The following KIAA2013 variants were observed in gnomAD, a reference collection of about 807,000 sequenced individuals.
The protein encoded by KIAA2013 is KIAA2013.
In KIAA2013, 20 loss-of-function variants were observed where a neutral mutation model predicts 39.9. The observed-to-expected ratio is 0.50, with a 90% CI of 0.35 to 0.73. KIAA2013 has a LOEUF of 0.73. Among genes scored for constraint, KIAA2013 ranks in the 30% least tolerant of loss-of-function variants. The pLI is 0.01. For missense variants in KIAA2013, 587 were observed against 856.1 expected, an observed-to-expected ratio of 0.69 and a Z score of 3.92; for synonymous variants, 336 against 416.6, an observed-to-expected ratio of 0.81 and a Z score of 2.35.
intron 2 of KIAA2013, 74 bp from the exon 3 acceptor site, chr1:11,920,406 G>C (rs189475214): frequency 2.7e-6 from 4 of 1,497,274 alleles, no homozygotes; most frequent in East Asian, 2.3e-5. Flanking sequence ...AATAGGCTAC[G>C]GAGACAACCC....
intron 2 of KIAA2013, among the ~76,000 whole-genome samples, chr1:11,921,429 A>G (rs555636076): frequency 6.6e-6 from 1 of 152,324 alleles, no homozygotes; most frequent in South Asian, 2.1e-4. Context: ...TGACCTCTGC[A>G]TGCCATGAAC....
chr1:11,920,443 C>G (rs1645467659), intron 2 of KIAA2013, 111 bp from the exon 3 acceptor site: 3 of 1,126,224 alleles, frequency 2.7e-6, no homozygotes, highest in Non-Finnish European at 4.1e-6. Context: ...TGGCTCTGAC[C>G]CAGCCTTGCA....
intron 1 of KIAA2013, among the ~76,000 whole-genome samples, chr1:11,924,166 A>G (rs1277323499): frequency 6.6e-6 from 1 of 152,076 alleles, no homozygotes; most frequent in Non-Finnish European, 1.5e-5. Context: ...TGTTTCTGTG[A>G]AGATGACCAT....
At position 11,926,111 on chromosome 1, in the gene KIAA2013, C is replaced by A; in HGVS notation, c.127G>T (p.Ala43Ser). 1 of 1,406,824 alleles carries A rather than the reference C, an allele frequency of 7.1e-7. No homozygotes were observed. The allele number at this position is 1,406,824 out of a possible 1,614,324, so 87.1% of individuals were successfully genotyped here. A position where few individuals can be genotyped will look rare whatever the true frequency, so the allele number is the denominator to read the frequency against. ...LWFGGSGARR[A>S]AGGLHLLPWS... ...GGCAGCAGGTGCAGGCCGCCCGCCG[C>A]CCGCCGCGCGCCGGACCCCCCAAAC... Residue 43 changes from alanine (A) to serine (S), a missense_variant, in exon 1 of 3, where the codon GCG becomes TCG. Ala to Ser is a moderately conservative substitution (Grantham distance 99). Transcript: ENST00000376572.
chr1:11,925,886 C>A lies in KIAA2013; in HGVS notation c.352G>T (p.Val118Leu). 1 of 1,527,238 alleles carries A rather than the reference C, an allele frequency of 6.5e-7. No individual in the cohort carries two copies. The highest frequency in any genetic ancestry group is 1.4e-5 in the African/African-American group (1 of 71,412). 94.6% of individuals were successfully genotyped at this position (1,527,238 alleles called of 1,614,324 possible). A position where few individuals can be genotyped will look rare whatever the true frequency, so the allele number is the denominator to read the frequency against. ...WVTPGEREPA[V>L]APDFVPFVQL... ...ACGAAGGGCACAAAGTCCGGCGCCA[C>A]GGCGGGCTCCCGCTCCCCGGGAGTC... is the stretch of plus-strand genomic sequence containing the variant. Residue 118 changes from valine (V) to leucine (L), a missense_variant, in exon 1 of 3, where the codon GTG becomes TTG. Coordinates refer to ENST00000376572, the MANE Select transcript of KIAA2013 (RefSeq NM_138346.3). This position sits in a 1 kb window ranked among gnomAD's most constrained non-coding sequence, Gnocchi z 5.2.
chr1:11,922,531 T>A, intron 2 of KIAA2013, 105 bp downstream of exon 2: 1 of 1,555,120 alleles, frequency 6.4e-7, no homozygotes, highest in Non-Finnish European at 8.7e-7. Flanking sequence ...AGGACACCCA[T>A]TCCTGCCCAG....
chr1:11,922,651 G>C lies in KIAA2013; in HGVS notation c.1872C>G (p.Pro624=), dbSNP rs139850966. ...GGCTTCCTACCTTACTCCTGAAGAGGGGCTTGGCTCCAGGCCCACAGTACT... is the reference window on the plus strand; with the variant it reads ...GGCTTCCTACCTTACTCCTGAAGAGCGGCTTGGCTCCAGGCCCACAGTACT... ...YNEYCGPGAK[P]LFRSKEDPSV is the part of the protein sequence containing the mutation. Residue 624 remains proline (P), a synonymous_variant, in exon 2 of 3, where the codon CCC becomes CCG. Transcript: ENST00000376572. The C allele has an allele frequency of 6.2e-7, 1 of 1,613,538 alleles. No individual in the cohort carries two copies. The highest frequency in any genetic ancestry group is 1.3e-5 in the African/African-American group (1 of 75,048).
At position 11,926,062 on chromosome 1, in the gene KIAA2013, G is replaced by A. The variant is rs1488708301; in HGVS notation, c.176C>T (p.Ala59Val). 5 of 1,458,798 alleles carry A rather than the reference G, an allele frequency of 3.4e-6. No individual in the cohort carries two copies. The highest frequency in any genetic ancestry group is 4.5e-6 in the Non-Finnish European group (5 of 1,115,106). The allele number at this position is 1,458,798 out of a possible 1,614,324, so 90.4% of individuals were successfully genotyped here. Residue 59 changes from alanine to valine, a missense_variant, in exon 1 of 3, where the codon GCC becomes GTC. Coordinates refer to ENST00000376572, the MANE Select transcript of KIAA2013 (RefSeq NM_138346.3). ...CTCCAGGCAGGCAGACGGCTCGGCG[G>A]CGCCCGGCTCACCGCGGGACCAGGG... ...LLPWSRGEPG[A>V]AEPSACLEAA...
chr1:11,922,551 C>A lies in KIAA2013; in HGVS notation c.1887+85G>T, dbSNP rs756565633. The A allele has an allele frequency of 4.5e-6, 7 of 1,565,830 alleles. No individual in the cohort carries two copies. In the South Asian group the frequency reaches 7.0e-5, roughly 16 times the overall value. ...ACCCATTCCTGCCCAGGCCTCACCCCCCCTCGCCAGGCTAGCCCCTTCCGA... is the reference window on the plus strand; with the variant it reads ...ACCCATTCCTGCCCAGGCCTCACCCACCCTCGCCAGGCTAGCCCCTTCCGA... On this transcript the variant is annotated intron_variant, in intron 2 of 2. Transcript: ENST00000376572.
chr1:11,924,381 C>T (rs1178686216), intron 1 of KIAA2013, among the ~76,000 whole-genome samples: 19 of 151,670 alleles, frequency 1.3e-4, no homozygotes, highest in African/African-American at 3.9e-4. Context: ...TGAGCCACCG[C>T]GCCCAGCCAG....
In KIAA2013 at chr1:11,926,084, AG is replaced by A; in HGVS notation, c.153del (p.Trp52GlyfsTer58). On this transcript the variant is annotated frameshift_variant, in exon 1 of 3. Transcript: ENST00000376572. LOFTEE classifies it high-confidence loss of function. ...GCGGCGCCCGGCTCACCGCGGGACC[AG>A]GGCAGCAGGTGCAGGCCGCCCGCCG... ...RRAAGGLHLL[P>X]WSRGEPGAAE... 6.9e-7 allele frequency: 1 copy of A among 1,453,928 alleles called. No individual in the cohort carries two copies. Among genetic ancestry groups the A allele is most frequent in the Non-Finnish European group, 9.0e-7 (1 of 1,108,780 alleles). The allele number at this position is 1,453,928 out of a possible 1,614,324, so 90.1% of individuals were successfully genotyped here.
rs1402319756 is a variant in KIAA2013 at position 11,923,770 on chromosome 1, T to C, written c.1034-281A>G. The stretch of plus-strand genomic sequence containing the variant: ...TAGCCAGGACTTGGCACCAACCCTA[T>C]GGTCAGACATCCTGCGCCAGATCAG... On this transcript the variant is annotated intron_variant, in intron 1 of 2. Coordinates refer to ENST00000376572, the MANE Select transcript of KIAA2013 (RefSeq NM_138346.3). This position sits in a 1 kb window ranked among gnomAD's most constrained non-coding sequence, Gnocchi z 4.6. 6.6e-6 allele frequency among the ~76,000 whole-genome samples: 1 copy of C among 152,178 alleles called. No individual in the cohort carries two copies. Among genetic ancestry groups the C allele is most frequent in the Non-Finnish European group, 1.5e-5 (1 of 68,018 alleles).
At chr1:11,924,331 TC>T (rs1262839419) in intron 1 of KIAA2013, among the ~76,000 whole-genome samples, 2 of 122,238 alleles carry the variant, frequency 1.6e-5, no homozygotes, top group African/African-American at 3.1e-5. Context: ...CCTCAGGTGA[TC>T]CACCTGCCTC....
rs764894582 is a variant in KIAA2013 at position 11,923,049 on chromosome 1, G to C, written c.1474C>G (p.His492Asp). Reference protein sequence around the residue: ...ALHGIRYKNDHINLAVLADAE... With the variant: ...ALHGIRYKNDDINLAVLADAE... ...TCCGCCAGCACGGCCAGGTTGATAT[G>C]GTCGTTCTTGTAGCGGATGCCATGC... Residue 492 changes from histidine (H) to aspartate (D), a missense_variant, in exon 2 of 3, where the codon CAT becomes GAT. Transcript: ENST00000376572. The surrounding 1 kb of genome is among the most constrained non-coding windows in gnomAD (Gnocchi z 4.6). The C allele has an allele frequency of 6.8e-6, 11 of 1,611,210 alleles. No individual in the cohort carries two copies. Among genetic ancestry groups the C allele is most frequent in the Non-Finnish European group, 8.5e-6 (10 of 1,177,732 alleles).
chr1:11,922,969 G>C lies in KIAA2013; in HGVS notation c.1554C>G (p.Val518=). The C allele has an allele frequency of 1.9e-6, 3 of 1,612,412 alleles. No individual in the cohort carries two copies. Among genetic ancestry groups the C allele is most frequent in the Non-Finnish European group, 2.5e-6 (3 of 1,178,742 alleles). Residue 518 remains valine (V), a synonymous_variant, in exon 2 of 3, where the codon GTC becomes GTG. Transcript: ENST00000376572. ...HVSVESRGQP[V]KIYACKAGCL... ...AGCCTGCCTTGCAGGCATAGATCTTGACAGGCTGGCCACGGGACTCCACGG... is the reference window on the plus strand; with the variant it reads ...AGCCTGCCTTGCAGGCATAGATCTTCACAGGCTGGCCACGGGACTCCACGG...
intron 2 of KIAA2013, among the ~76,000 whole-genome samples, chr1:11,921,291 C>T (rs1361806780): frequency 6.6e-6 from 1 of 152,168 alleles, no homozygotes; most frequent in African/African-American, 2.4e-5. Context: ...GACAGTCTTG[C>T]AGCAATGATG....
At chr1:11,920,470 A>T in intron 2 of KIAA2013, 138 bp from the exon 3 acceptor site, 1 of 864,138 alleles carries the variant, frequency 1.2e-6, no homozygotes, top group Non-Finnish European at 1.9e-6. Context: ...CCACGGACTC[A>T]GTGGCCTGGG....
Position 11,923,505 on chromosome 1 carries a change from A to G in KIAA2013, c.1034-16T>C, listed in dbSNP as rs746831928. On this transcript the variant is annotated splice_polypyrimidine_tract_variant and intron_variant, in intron 1 of 2. Transcript: ENST00000376572. The surrounding 1 kb of genome is among the most constrained non-coding windows in gnomAD (Gnocchi z 4.6). Reference sequence around the variant, plus strand: ...ATTTCCACTCCTGCAACACCATGAAAGCGGCATGTTAAGGGGGAAGGACAG... The same window carrying G: ...ATTTCCACTCCTGCAACACCATGAAGGCGGCATGTTAAGGGGGAAGGACAG... 6.2e-7 allele frequency: 1 copy of G among 1,601,396 alleles called. No homozygotes were observed. Among genetic ancestry groups the G allele is most frequent in the South Asian group, 1.1e-5 (1 of 91,044 alleles).
chr1:11,924,648 G>C (rs1422393444), intron 1 of KIAA2013, among the ~76,000 whole-genome samples: 1 of 152,144 alleles, frequency 6.6e-6, no homozygotes, highest in East Asian at 1.9e-4. Context: ...CTCTCATCCA[G>C]AACAGGATTT....
Sources: allele counts gnomAD v4.1 joint callset (sites outside exome capture counted in the v4.1 genomes callset), GRCh38; gene constraint gnomAD v4.1.1; non-coding constraint Gnocchi (gnomAD v3.1); transcripts MANE v1.5; gene names NCBI Gene and HGNC (gene_info 2026-07-23, HGNC 2026-07-21).